The following TMEM132E variants were observed in gnomAD, a reference collection of about 807,000 sequenced individuals.
TMEM132E encodes the protein transmembrane protein 132E.
A neutral mutation model predicts 78.5 loss-of-function variants in TMEM132E; 49 were observed. That is an observed-to-expected ratio of 0.62 (90% CI 0.50 to 0.79). TMEM132E has a LOEUF of 0.79. TMEM132E is among the 30% of genes least tolerant of loss of function. The pLI is 0.00. For missense variants in TMEM132E, 1,403 were observed against 1,470.9 expected (o/e 0.95, Z 0.75); for synonymous variants, 715 against 670.6 (o/e 1.07, Z -1.02).
chr17:34,632,402 G>A (rs77545160), intron 5 of TMEM132E, among the ~76,000 whole-genome samples: 1 of 152,230 alleles, frequency 6.6e-6, no homozygotes, highest in Admixed American at 6.5e-5. Context: ...ACCCTGGAGC[G>A]TCCTCCAAAG....
intron 4 of TMEM132E, 32 bp from the exon 5 acceptor site, chr17:34,629,976 C>G: frequency 6.3e-7 from 1 of 1,579,128 alleles, no homozygotes; most frequent in Non-Finnish European, 8.7e-7. Context: ...AAGGGGACCA[C>G]AAGTAGAGCC....
chr17:34,628,951 A>AGCTCCTGGGCT, intron 3 of TMEM132E, 61 bp from the exon 4 acceptor site: 1 of 1,500,900 alleles, frequency 6.7e-7, no homozygotes. Context: ...AGAGTTTCTG[A>AGCTCCTGGGCT]GCTCCTGGGC....
intron 1 of TMEM132E, among the ~76,000 whole-genome samples, chr17:34,599,148 G>A (rs1213584343): frequency 6.6e-6 from 1 of 152,218 alleles, no homozygotes; most frequent in African/African-American, 2.4e-5. Context: ...ATGGGTGGGA[G>A]TGAGGTTCCT....
At chr17:34,629,269 C>G in intron 4 of TMEM132E, 65 bp downstream of exon 4, 5 of 1,528,520 alleles carry the variant, frequency 3.3e-6, no homozygotes, top group Non-Finnish European at 3.6e-6. Flanking sequence ...ATTTGTGTGA[C>G]AAGAATGTGA....
At chr17:34,605,527 A>G (rs1906383684) in intron 1 of TMEM132E, among the ~76,000 whole-genome samples, 1 of 152,156 alleles carries the variant, frequency 6.6e-6, no homozygotes. Flanking sequence ...GACAGGGAAG[A>G]GCCCTGTGGC....
intron 1 of TMEM132E, among the ~76,000 whole-genome samples, chr17:34,601,434 C>G (rs1212533217): frequency 6.6e-6 from 1 of 152,226 alleles, no homozygotes; most frequent in Admixed American, 6.5e-5. Flanking sequence ...GCCAGGCTGT[C>G]AGCTCTGCAG....
chr17:34,627,645 T>G (rs1480128104), intron 2 of TMEM132E, among the ~76,000 whole-genome samples: 2 of 152,150 alleles, frequency 1.3e-5, no homozygotes, highest in Non-Finnish European at 2.9e-5. Flanking sequence ...ACCCCAAAAA[T>G]GATAATATTT....
chr17:34,638,153 C>G lies in TMEM132E; in HGVS notation c.3146C>G (p.Pro1049Arg). The G allele has an allele frequency of 1.2e-6, 2 of 1,609,850 alleles. No individual in the cohort carries two copies. Among genetic ancestry groups the G allele is most frequent in the Middle Eastern group, 1.7e-4 (1 of 6,032 alleles). Residue 1049 changes from proline (P) to arginine (R), a missense_variant, in exon 9 of 9, where the codon CCG becomes CGG. Physicochemically the swap from Pro to Arg is moderately radical, Grantham distance 103 (BLOSUM62 -2). Coordinates refer to ENST00000631683, the MANE Select transcript of TMEM132E (RefSeq NM_001304438.2). ...EEEEDLGWGC[P>R]DVAGPTRPTA... ...GAAGAGGACCTGGGTTGGGGCTGCC[C>G]GGATGTGGCGGGCCCCACGCGGCCC...
intron 1 of TMEM132E, chr17:34,614,917 G>A (rs961145470): frequency 6.6e-6 from 1 of 152,272 alleles, no homozygotes; most frequent in Non-Finnish European, 1.5e-5. Flanking sequence ...CATGGGAGCA[G>A]AGTCTAGAGG....
intron 1 of TMEM132E, among the ~76,000 whole-genome samples, chr17:34,617,513 G>A (rs547605446): frequency 2.7e-4 from 41 of 152,346 alleles, no homozygotes; most frequent in Admixed American, 1.3e-3. Context: ...ATGAATGAAT[G>A]AATGAATGAA....
intron 5 of TMEM132E, among the ~76,000 whole-genome samples, chr17:34,631,010 G>C (rs918166918): frequency 6.6e-6 from 1 of 152,194 alleles, no homozygotes; most frequent in African/African-American, 2.4e-5. Context: ...TAACTGTGGG[G>C]TGGGCCAGCC....
intron 1 of TMEM132E, among the ~76,000 whole-genome samples, chr17:34,594,579 G>A (rs770725760): frequency 3.9e-5 from 6 of 152,148 alleles, no homozygotes; most frequent in South Asian, 2.1e-4. Context: ...ATAGACACTC[G>A]CTATTGTTTC....
At chr17:34,601,819 A>G (rs554364300) in intron 1 of TMEM132E, among the ~76,000 whole-genome samples, 5 of 152,048 alleles carry the variant, frequency 3.3e-5, no homozygotes, top group Admixed American at 3.3e-4. Context: ...ACCTTCCTCA[A>G]CCTTGTGACC....
intron 1 of TMEM132E, among the ~76,000 whole-genome samples, chr17:34,600,534 A>G (rs1303019138): frequency 1.3e-5 from 2 of 151,428 alleles, no homozygotes; most frequent in East Asian, 3.9e-4. Flanking sequence ...GTCTGCCCTG[A>G]GGTTTGCCAT....
intron 1 of TMEM132E, among the ~76,000 whole-genome samples, chr17:34,618,555 A>T (rs1302656994): frequency 6.6e-6 from 1 of 152,022 alleles, no homozygotes; most frequent in East Asian, 1.9e-4. Flanking sequence ...CTTTGAGCAG[A>T]TTTCTGTTTA....
At chr17:34,615,553 T>TGTGTGTGTGTGTGTGTG (rs1906753860) in intron 1 of TMEM132E, among the ~76,000 whole-genome samples, 1 of 62,998 alleles carries the variant, frequency 1.6e-5, no homozygotes, top group African/African-American at 4.9e-5. Context: ...GTGTGTGTGT[T>TGTGTGTGTGTGTGTGTG]AGCACAACCA....
At chr17:34,629,914 T>C in intron 4 of TMEM132E, 94 bp from the exon 5 acceptor site, 2 of 1,210,594 alleles carry the variant, frequency 1.7e-6, no homozygotes, top group Non-Finnish European at 1.1e-6. Context: ...ATCTGAGGAG[T>C]GGGGGGGGAG....
At chr17:34,630,188 C>A (rs775520561) in intron 5 of TMEM132E, 37 bp downstream of exon 5, 2 of 1,596,426 alleles carry the variant, frequency 1.3e-6, no homozygotes, top group South Asian at 2.2e-5. Flanking sequence ...GGGGAAGAAG[C>A]CCTAGGCCTT....
intron 1 of TMEM132E, among the ~76,000 whole-genome samples, chr17:34,616,846 G>A (rs191925146): frequency 2.0e-5 from 3 of 152,304 alleles, no homozygotes; most frequent in Admixed American, 6.5e-5. Context: ...CTGGGGTGGG[G>A]ACATGCCTGT....
Sources: allele counts gnomAD v4.1 joint callset (sites outside exome capture counted in the v4.1 genomes callset), GRCh38; gene constraint gnomAD v4.1.1; transcripts MANE v1.5; gene names NCBI Gene and HGNC (gene_info 2026-07-23, HGNC 2026-07-21).